TAFA1: variants seen among roughly 807,000 people sequenced by gnomAD.
TAFA1 encodes chemokine-like protein TAFA-1.
Under a neutral mutation model 18.5 loss-of-function variants are expected in TAFA1, and 4 were observed. The observed-to-expected ratio is 0.22, with a 90% CI of 0.11 to 0.49. The LOEUF (loss-of-function observed/expected upper bound fraction) is 0.49, where lower values mean the gene tolerates loss of function less well. Among genes scored for constraint, TAFA1 ranks in the 20% least tolerant of loss-of-function variants. TAFA1 has a pLI of 0.98. For synonymous variants in TAFA1, 56 were observed against 55.2 expected, an observed-to-expected ratio of 1.01 and a Z score of -0.06; for missense variants, 147 against 169.0, an observed-to-expected ratio of 0.87 and a Z score of 0.72.
At chr3:68,261,061 A>T (rs1449971855) in intron 2 of TAFA1, among the ~76,000 whole-genome samples, 1 of 152,158 alleles carries the variant, frequency 6.6e-6, no homozygotes, top group African/African-American at 2.4e-5. Context: ...AATGAACTCA[A>T]ACAAATTTAC....
intron 3 of TAFA1, among the ~76,000 whole-genome samples, chr3:68,458,721 A>C (rs2071713257): frequency 6.6e-6 from 1 of 152,134 alleles, no homozygotes; most frequent in East Asian, 1.9e-4. Flanking sequence ...TATGAAGGTC[A>C]CTTTGAACTG....
At chr3:68,414,997 T>C (rs2070782691) in intron 2 of TAFA1, among the ~76,000 whole-genome samples, 1 of 152,188 alleles carries the variant, frequency 6.6e-6, no homozygotes, top group African/African-American at 2.4e-5. Context: ...CTGACAATTA[T>C]AAGCTAAAGT....
At chr3:68,303,159 G>A (rs990334490) in intron 2 of TAFA1, among the ~76,000 whole-genome samples, 1 of 152,114 alleles carries the variant, frequency 6.6e-6, no homozygotes, top group African/African-American at 2.4e-5. Flanking sequence ...TACTTTTACT[G>A]TATAAAAAGC....
At position 68,039,929 on chromosome 3, in the gene TAFA1, C is replaced by A. The variant is rs564074273; in HGVS notation, c.118+33185C>A. The stretch of plus-strand genomic sequence containing the variant: ...CTCCAGCACATTGGCTGGGGATGCT[C>A]CCAGGGCTAATCACTCCATACATTT... On this transcript the variant is annotated intron_variant, in intron 2 of 4. Coordinates refer to ENST00000478136, the MANE Select transcript of TAFA1 (RefSeq NM_213609.4). Among the ~76,000 whole-genome samples, 4 of 152,224 alleles carry A rather than the reference C, an allele frequency of 2.6e-5. No individual in the cohort carries two copies. The East Asian group carries it at 7.7e-4, about 29-fold the overall frequency.
At chr3:68,429,273 T>G (rs1038170090) in intron 3 of TAFA1, among the ~76,000 whole-genome samples, 2 of 151,946 alleles carry the variant, frequency 1.3e-5, no homozygotes, top group Non-Finnish European at 2.9e-5. Context: ...GTAATTTTAC[T>G]GGTTTGTAGT....
Position 68,439,412 on chromosome 3 carries a change from C to CATACATATATATATATATAT in TAFA1, c.259+21995_259+21996insCATATATATATATATATATA, listed in dbSNP as rs1264523262. Among the ~76,000 whole-genome samples, 47 of 73,388 alleles carry CATACATATATATATATATAT rather than the reference C, an allele frequency of 6.4e-4. 1 individual carries two copies. The highest frequency in any genetic ancestry group is 2.9e-3 in the African/African-American group (41 of 14,020). The allele number at this position is 73,388 out of a possible 152,430, so 48.1% of individuals were successfully genotyped here. A position where few individuals can be genotyped will look rare whatever the true frequency, so the allele number is the denominator to read the frequency against. On this transcript the variant is annotated intron_variant, in intron 3 of 4. Transcript: ENST00000478136. ...AGAAGTAATAGAATATATATACATA[C>CATACATATATATATATATAT]ATATATATATATATATATATATATA...
intron 3 of TAFA1, among the ~76,000 whole-genome samples, chr3:68,518,541 G>T (rs1336885962): frequency 6.6e-6 from 1 of 152,104 alleles, no homozygotes; most frequent in Admixed American, 6.6e-5. Context: ...CTGGATGAGG[G>T]CAACTGATGG....
At chr3:68,049,888 C>A (rs4130989) in intron 2 of TAFA1, among the ~76,000 whole-genome samples, 1 of 151,824 alleles carries the variant, frequency 6.6e-6, no homozygotes, top group Non-Finnish European at 1.5e-5. Flanking sequence ...CATGATTATG[C>A]GTTTATCCTG....
chr3:68,240,063 A>T (rs1264437179), intron 2 of TAFA1, among the ~76,000 whole-genome samples: 2 of 152,178 alleles, frequency 1.3e-5, no homozygotes, highest in Non-Finnish European at 2.9e-5. Context: ...AAGTTTATAT[A>T]TGAGCTGGGA....
At chr3:68,074,124 G>T (rs2064794142) in intron 2 of TAFA1, among the ~76,000 whole-genome samples, 4 of 152,256 alleles carry the variant, frequency 2.6e-5, no homozygotes, top group Admixed American at 2.6e-4. Flanking sequence ...TTCTCATACG[G>T]ATTGCACAAT....
intron 2 of TAFA1, among the ~76,000 whole-genome samples, chr3:68,172,311 A>G (rs2066065748): frequency 6.6e-6 from 1 of 152,162 alleles, no homozygotes; most frequent in Non-Finnish European, 1.5e-5. Context: ...AATATCATTA[A>G]TCCTTAGGGA....
chr3:68,176,037 A>T (rs1445282603), intron 2 of TAFA1, among the ~76,000 whole-genome samples: 2 of 152,188 alleles, frequency 1.3e-5, no homozygotes, highest in Non-Finnish European at 1.5e-5. Context: ...CACCATCCAC[A>T]TAAGATGTGA....
intron 2 of TAFA1, among the ~76,000 whole-genome samples, chr3:68,331,878 T>TTTTTTTTTA (rs2068881299): frequency 7.0e-6 from 1 of 143,054 alleles, no homozygotes; most frequent in African/African-American, 2.6e-5. Flanking sequence ...TTTTTTTTTT[T>TTTTTTTTTA]TTTGAGACGG....
chr3:68,304,875 T>C (rs1024194317), intron 2 of TAFA1, among the ~76,000 whole-genome samples: 1 of 152,088 alleles, frequency 6.6e-6, no homozygotes, highest in African/African-American at 2.4e-5. Context: ...GTGTGTGTTT[T>C]AGTGGGCCAG....
chr3:68,042,492 T>TA (rs1363530230), intron 2 of TAFA1, among the ~76,000 whole-genome samples: 4 of 152,082 alleles, frequency 2.6e-5, no homozygotes, highest in African/African-American at 9.6e-5. Context: ...TCTACTAAAT[T>TA]AAAAAAATTA....
At chr3:68,512,216 A>G (rs1332396884) in intron 3 of TAFA1, among the ~76,000 whole-genome samples, 1 of 152,122 alleles carries the variant, frequency 6.6e-6, no homozygotes, top group African/African-American at 2.4e-5. Flanking sequence ...ACTAAGTTCA[A>G]TCTGTGTCTT....
intron 2 of TAFA1, among the ~76,000 whole-genome samples, chr3:68,384,451 C>T (rs1156483648): frequency 6.6e-6 from 1 of 152,010 alleles, no homozygotes; most frequent in Non-Finnish European, 1.5e-5. Context: ...GCAGGTTATT[C>T]AATGTAAATG....
chr3:68,445,402 A>G (rs2071457949), intron 3 of TAFA1, among the ~76,000 whole-genome samples: 2 of 152,188 alleles, frequency 1.3e-5, no homozygotes, highest in South Asian at 4.1e-4. Context: ...CTACTTTACA[A>G]GAATATTGTT....
chr3:68,466,244 G>T (rs1012997123), intron 3 of TAFA1, among the ~76,000 whole-genome samples: 1 of 152,112 alleles, frequency 6.6e-6, no homozygotes, highest in Non-Finnish European at 1.5e-5. Context: ...AGCTGGCAAT[G>T]TTGCAGATAG....
Sources: allele counts gnomAD v4.1 joint callset (sites outside exome capture counted in the v4.1 genomes callset), GRCh38; gene constraint gnomAD v4.1.1; transcripts MANE v1.5; gene names NCBI Gene and HGNC (gene_info 2026-07-23, HGNC 2026-07-21).